Variants in CEP250 observed in about 807,000 individuals in gnomAD.
CEP250 encodes centrosomal protein 250.
Under a neutral mutation model 315.7 loss-of-function variants are expected in CEP250, and 242 were observed. The observed-to-expected ratio is 0.77, with a 90% CI of 0.69 to 0.85. The LOEUF is 0.85. Among genes scored for constraint, CEP250 ranks in the 40% least tolerant of loss-of-function variants. CEP250 has a pLI of 0.00. For missense variants in CEP250, 2,515 were observed against 2,886.4 expected, an observed-to-expected ratio of 0.87 and a Z score of 2.95; for synonymous variants, 1,088 against 1,175.0, an observed-to-expected ratio of 0.93 and a Z score of 1.51.
At chr20:35,493,963 A>G (rs940106210) in intron 23 of CEP250, among the ~76,000 whole-genome samples, 10 of 152,288 alleles carry the variant, frequency 6.6e-5, no homozygotes, top group Admixed American at 3.9e-4. Flanking sequence ...CTTTGGGAGT[A>G]GTTATAGTCA....
intron 20 of CEP250, 31 bp downstream of exon 20, chr20:35,480,176 C>T: frequency 1.3e-6 from 2 of 1,587,678 alleles, no homozygotes; most frequent in African/African-American, 1.3e-5. Context: ...GGTATGGCCT[C>T]CCTTCCATGA....
chr20:35,467,179 G>GCCCCCCCC, intron 8 of CEP250, 107 bp downstream of exon 8: 1 of 534,890 alleles, frequency 1.9e-6, no homozygotes, highest in Non-Finnish European at 3.5e-6. Flanking sequence ...GGTGGGTGGG[G>GCCCCCCCC]GAGTTGGTAG....
intron 20 of CEP250, among the ~76,000 whole-genome samples, chr20:35,485,064 TAAA>T (rs587596547): frequency 1.9e-4 from 25 of 129,206 alleles, no homozygotes; most frequent in Admixed American, 2.4e-4. Context: ...CCTATCTCTT[TAAA>T]AAAAAAAAAA....
intron 16 of CEP250, among the ~76,000 whole-genome samples, chr20:35,477,431 A>C (rs1373519689): frequency 6.6e-6 from 1 of 152,258 alleles, no homozygotes; most frequent in Non-Finnish European, 1.5e-5. Context: ...CTGGGATTAC[A>C]GGCATGAGCC....
Position 35,473,859 on chromosome 20 carries a change from C to T in CEP250, c.1389-11C>T, listed in dbSNP as rs748244385. 1 of 1,605,592 alleles carries T rather than the reference C, an allele frequency of 6.2e-7. No individual in the cohort carries two copies. Among genetic ancestry groups the T allele is most frequent in the Non-Finnish European group, 8.5e-7 (1 of 1,177,168 alleles). On this transcript the variant is annotated splice_polypyrimidine_tract_variant and intron_variant, in intron 13 of 34. Coordinates refer to ENST00000397527, the MANE Select transcript of CEP250 (RefSeq NM_007186.6). ...TATGGTCTCTGCTCATCTCTGATTC[C>T]CTTCTTCCAGGGAGCGAGAGCTGCT...
chr20:35,504,729 C>T lies in CEP250; in HGVS notation c.6360C>T (p.Asn2120=). 6.2e-7 allele frequency: 1 copy of T among 1,614,210 alleles called. No individual in the cohort carries two copies. Among genetic ancestry groups the T allele is most frequent in the Non-Finnish European group, 8.5e-7 (1 of 1,180,038 alleles). ...AGCTGAGGGAGACCCAGCAAAGGAA[C>T]AACCTGGAAGCCTTACCCCACAGCC... ...ILELRETQQR[N]NLEALPHSHK... is the part of the protein sequence containing the mutation. Residue 2120 remains asparagine, a synonymous_variant, in exon 30 of 35, where the codon AAC becomes AAT. Coordinates refer to ENST00000397527, the MANE Select transcript of CEP250 (RefSeq NM_007186.6).
At chr20:35,471,343 T>C (rs1286874714) in intron 10 of CEP250, among the ~76,000 whole-genome samples, 1 of 152,220 alleles carries the variant, frequency 6.6e-6, no homozygotes, top group Non-Finnish European at 1.5e-5. Flanking sequence ...ACCATTCAAC[T>C]TCAGTAAATC....
Position 35,460,052 on chromosome 20 carries a change from G to T in CEP250, c.-157G>T, listed in dbSNP as rs1240892596. Reference sequence around the variant, plus strand: ...GGAAGATCTGTGCCTCCAACCAGCAGAGAGGGATTGAGCTTCATTGAACTC... The same window carrying T: ...GGAAGATCTGTGCCTCCAACCAGCATAGAGGGATTGAGCTTCATTGAACTC... On this transcript the variant is annotated 5_prime_UTR_variant, in exon 3 of 35. Coordinates refer to ENST00000397527, the MANE Select transcript of CEP250 (RefSeq NM_007186.6). The T allele has an allele frequency of 6.6e-6, 1 of 152,196 alleles. No individual in the cohort carries two copies. 9.4% of individuals were successfully genotyped at this position (152,196 alleles called of 1,614,324 possible).
intron 20 of CEP250, 37 bp downstream of exon 20, chr20:35,480,182 C>G: frequency 1.3e-6 from 2 of 1,573,862 alleles, no homozygotes; most frequent in Non-Finnish European, 1.7e-6. Flanking sequence ...GCCTCCCTTC[C>G]ATGAGTGCTC....
At chr20:35,476,784 C>T (rs966560103) in intron 16 of CEP250, 189 bp downstream of exon 16, 2 of 515,408 alleles carry the variant, frequency 3.9e-6, no homozygotes, top group African/African-American at 3.8e-5. Flanking sequence ...AGAACCACCT[C>T]TGGACTTCAG....
At chr20:35,488,236 CA>C (rs2063575118) in intron 20 of CEP250, among the ~76,000 whole-genome samples, 1 of 152,152 alleles carries the variant, frequency 6.6e-6, no homozygotes, top group Admixed American at 6.5e-5. Flanking sequence ...GTTTTTTTAA[CA>C]CTTGCAACTG....
At position 35,514,758 on chromosome 20, in the gene CEP250, G is replaced by T. The variant is rs1277008907; in HGVS notation, c.*3132G>T. 6.6e-6 allele frequency: 1 copy of T among 152,312 alleles called. No individual in the cohort carries two copies. Among genetic ancestry groups the T allele is most frequent in the African/African-American group, 2.4e-5 (1 of 41,450 alleles). The allele number at this position is 152,312 out of a possible 1,614,324, so 9.4% of individuals were successfully genotyped here. On this transcript the variant is annotated 3_prime_UTR_variant, in exon 35 of 35. Coordinates refer to ENST00000397527, the MANE Select transcript of CEP250 (RefSeq NM_007186.6). ...CAATGTTGACACCAAAGTGCCAAAGGCTGTCTGCGCCAGGTCTGGGGCCCC... is the reference window on the plus strand; with the variant it reads ...CAATGTTGACACCAAAGTGCCAAAGTCTGTCTGCGCCAGGTCTGGGGCCCC...
intron 24 of CEP250, among the ~76,000 whole-genome samples, chr20:35,495,587 A>G (rs1211301762): frequency 2.0e-5 from 3 of 152,066 alleles, no homozygotes; most frequent in Non-Finnish European, 4.4e-5. Flanking sequence ...TGTCTACTAA[A>G]AATACAAAAA....
In CEP250 at chr20:35,465,677, C is replaced by CT; in HGVS notation, c.244-64dup. The CT allele has an allele frequency of 2.5e-6, 3 of 1,184,002 alleles. No individual in the cohort carries two copies. In the East Asian group the frequency reaches 7.7e-5, roughly 30 times the overall value. 73.3% of individuals were successfully genotyped at this position (1,184,002 alleles called of 1,614,324 possible). A position where few individuals can be genotyped will look rare whatever the true frequency, so the allele number is the denominator to read the frequency against. ...AAAGTGGACTGCCATGGAAGGGAGC[C>CT]TTAGGGAACTGGTCTGAGTGATGTT... On this transcript the variant is annotated intron_variant, in intron 5 of 34. Transcript: ENST00000397527.
intron 22 of CEP250, 107 bp from the exon 23 acceptor site, chr20:35,493,322 C>T (rs2063748540): frequency 9.4e-7 from 1 of 1,064,098 alleles, no homozygotes; most frequent in South Asian, 1.8e-5. Flanking sequence ...GAGGTGGAAA[C>T]AATGTGGATT....
At chr20:35,469,794 T>A in intron 9 of CEP250, 96 bp from the exon 10 acceptor site, 1 of 625,454 alleles carries the variant, frequency 1.6e-6, no homozygotes, top group Non-Finnish European at 2.6e-6. Context: ...CAGTTGGGAG[T>A]GGTTGGGGTT....
Position 35,480,161 on chromosome 20 carries a change from G to A in CEP250, c.2586+16G>A. The A allele has an allele frequency of 1.3e-6, 2 of 1,599,894 alleles. No individual in the cohort carries two copies. On this transcript the variant is annotated intron_variant, in intron 20 of 34. Transcript: ENST00000397527. The stretch of plus-strand genomic sequence containing the variant: ...GGAGAAATGGGTAAGTGGTCAATGT[G>A]GCCGGGTATGGCCTCCCTTCCATGA...
At chr20:35,456,761 G>A (rs1333624311) in intron 1 of CEP250, among the ~76,000 whole-genome samples, 4 of 151,360 alleles carry the variant, frequency 2.6e-5, no homozygotes, top group Non-Finnish European at 2.9e-5. Context: ...CACTGACCAA[G>A]CTATAAGTTA....
chr20:35,510,640 CTG>C (rs2064329167), intron 34 of CEP250, among the ~76,000 whole-genome samples: 1 of 152,232 alleles, frequency 6.6e-6, no homozygotes, highest in South Asian at 2.1e-4. Flanking sequence ...GGGCCTGACT[CTG>C]TAGCTAGACC....
Sources: allele counts gnomAD v4.1 joint callset (sites outside exome capture counted in the v4.1 genomes callset), GRCh38; gene constraint gnomAD v4.1.1; transcripts MANE v1.5; gene names NCBI Gene and HGNC (gene_info 2026-07-23, HGNC 2026-07-21).